Variants in NDUFAF2 observed in about 807,000 individuals in gnomAD.
The protein encoded by NDUFAF2 is NADH dehydrogenase [ubiquinone] 1 alpha subcomplex assembly factor 2.
In NDUFAF2, 13 loss-of-function variants were observed where a neutral mutation model predicts 22.8. The ratio of observed to expected loss-of-function variants is 0.57; its 90% CI spans 0.37 to 0.91. The LOEUF is 0.91. NDUFAF2 is among the 40% of genes least tolerant of loss of function. NDUFAF2 has a pLI of 0.01. For synonymous variants in NDUFAF2, 53 were observed against 64.2 expected (o/e 0.83, Z 0.84); for missense variants, 162 against 195.2 (o/e 0.83, Z 1.01).
chr5:61,147,819 C>T (rs550448157), intron 3 of NDUFAF2, among the ~76,000 whole-genome samples: 69 of 152,214 alleles, frequency 4.5e-4, no homozygotes, highest in Non-Finnish European at 6.5e-4. Flanking sequence ...GCTGTACTCT[C>T]GTGCCAGTTT....
chr5:61,091,630 A>T (rs1340836140), intron 2 of NDUFAF2, among the ~76,000 whole-genome samples: 1 of 152,022 alleles, frequency 6.6e-6, no homozygotes. Context: ...TTGTCTGTTG[A>T]CTTTGTTGAT....
At position 61,049,276 on chromosome 5, in the gene NDUFAF2, A is replaced by G. The variant is rs78747697; in HGVS notation, c.128-23849A>G. ...GTACAAAGAGTTTTCTTTATTAAAT[A>G]TCTTTTTAAATCACAGGTAAAAGTT... On this transcript the variant is annotated intron_variant, in intron 1 of 3. Transcript: ENST00000296597. Among the ~76,000 whole-genome samples, 933 of 152,192 alleles carry G rather than the reference A, an allele frequency of 6.1e-3. 24 individuals are homozygous for G. The South Asian group carries it at 0.079, about 13-fold the overall frequency.
chr5:61,002,771 A>G (rs1047582505), intron 1 of NDUFAF2, among the ~76,000 whole-genome samples: 1 of 152,096 alleles, frequency 6.6e-6, no homozygotes, highest in African/African-American at 2.4e-5. Context: ...CATTTTAGGT[A>G]CTGGTCCAAT....
At position 61,096,967 on chromosome 5, in the gene NDUFAF2, AAAAG is replaced by A. The variant is rs1303108206; in HGVS notation, c.218-2018_218-2015del. Among the ~76,000 whole-genome samples, 5 of 152,328 alleles carry A rather than the reference AAAAG, an allele frequency of 3.3e-5. No individual in the cohort carries two copies. The East Asian group carries it at 7.7e-4, about 24-fold the overall frequency. On this transcript the variant is annotated intron_variant, in intron 2 of 3. Coordinates refer to ENST00000296597, the MANE Select transcript of NDUFAF2 (RefSeq NM_174889.5). ...TAACAGAGCGAGACTGTCTCAAAAA[AAAAG>A]AAAGAAGGAAACAGAATGCAGAAAG... is the stretch of plus-strand genomic sequence containing the variant.
chr5:61,007,776 A>AT (rs1007935686), intron 1 of NDUFAF2, among the ~76,000 whole-genome samples: 1 of 152,180 alleles, frequency 6.6e-6, no homozygotes, highest in Non-Finnish European at 1.5e-5. Flanking sequence ...TAGAAATACC[A>AT]TTTGACCCAG....
At chr5:61,004,923 TTTTA>T (rs945341614) in intron 1 of NDUFAF2, among the ~76,000 whole-genome samples, 2 of 144,000 alleles carry the variant, frequency 1.4e-5, no homozygotes, top group South Asian at 2.3e-4. Context: ...ATTTATTCTT[TTTTA>T]TTTATTTATT....
intron 3 of NDUFAF2, among the ~76,000 whole-genome samples, chr5:61,124,565 C>T (rs1753012379): frequency 6.6e-6 from 1 of 151,852 alleles, no homozygotes; most frequent in Non-Finnish European, 1.5e-5. Flanking sequence ...CTGTGTTTTC[C>T]AGTAAAATAT....
intron 1 of NDUFAF2, among the ~76,000 whole-genome samples, chr5:60,999,332 T>A (rs1469030144): frequency 2.6e-5 from 4 of 152,050 alleles, no homozygotes; most frequent in Non-Finnish European, 5.9e-5. Context: ...TATCAATGGA[T>A]GAATGAGTAA....
chr5:60,950,477 G>A (rs902102811), intron 1 of NDUFAF2, among the ~76,000 whole-genome samples: 1 of 151,988 alleles, frequency 6.6e-6, no homozygotes, highest in Non-Finnish European at 1.5e-5. Flanking sequence ...GAGCCACCAC[G>A]CCTGGCCACT....
At chr5:61,010,479 A>G (rs1751429619) in intron 1 of NDUFAF2, among the ~76,000 whole-genome samples, 1 of 151,556 alleles carries the variant, frequency 6.6e-6, no homozygotes, top group African/African-American at 2.4e-5. Context: ...TCTGCATTCA[A>G]CTCTTCCATT....
intron 1 of NDUFAF2, among the ~76,000 whole-genome samples, chr5:61,042,009 A>G (rs948422087): frequency 8.5e-5 from 13 of 152,184 alleles, no homozygotes; most frequent in African/African-American, 2.9e-4. Context: ...ATAAACTCCA[A>G]TTTGAAATCC....
At chr5:61,058,763 A>C (rs1752129463) in intron 1 of NDUFAF2, among the ~76,000 whole-genome samples, 2 of 151,996 alleles carry the variant, frequency 1.3e-5, no homozygotes, top group Non-Finnish European at 2.9e-5. Flanking sequence ...TTAGCTTTAC[A>C]AAAAAGTATA....
chr5:60,991,370 A>G (rs1356312782), intron 1 of NDUFAF2, among the ~76,000 whole-genome samples: 1 of 152,080 alleles, frequency 6.6e-6, no homozygotes, highest in Non-Finnish European at 1.5e-5. Flanking sequence ...TATTGACTAT[A>G]GTTGCCCTGT....
intron 3 of NDUFAF2, among the ~76,000 whole-genome samples, chr5:61,125,210 A>G (rs962118112): frequency 8.5e-5 from 13 of 152,048 alleles, no homozygotes; most frequent in Non-Finnish European, 1.2e-4. Flanking sequence ...ACTGTATTCA[A>G]TTTTTTAATG....
At chr5:60,994,936 G>A (rs1016097194) in intron 1 of NDUFAF2, among the ~76,000 whole-genome samples, 7 of 151,770 alleles carry the variant, frequency 4.6e-5, no homozygotes, top group African/African-American at 1.5e-4. Context: ...CTGACTTCAA[G>A]CTCACTGATT....
chr5:61,152,859 T>G lies in NDUFAF2; in HGVS notation c.414T>G (p.Phe138Leu), dbSNP rs770172045. The change falls in exon 4 of 4, where the codon TTT (phenylalanine) becomes TTG (leucine). Residue 138 changes from phenylalanine to leucine, a missense_variant. Coordinates refer to ENST00000296597, the MANE Select transcript of NDUFAF2 (RefSeq NM_174889.5). The stretch of plus-strand genomic sequence containing the variant: ...AAGGCCATGCCTCTGCTCCATACTT[T>G]GGAAAGGAAGAACCCTCAGTGGCTC... ...QIKGHASAPY[F>L]GKEEPSVAPS... is the part of the protein sequence containing the mutation. 6.2e-7 allele frequency: 1 copy of G among 1,609,078 alleles called. No individual in the cohort carries two copies. Among genetic ancestry groups the G allele is most frequent in the Non-Finnish European group, 8.5e-7 (1 of 1,177,738 alleles).
At chr5:60,954,718 T>C (rs955219198) in intron 1 of NDUFAF2, among the ~76,000 whole-genome samples, 2 of 151,520 alleles carry the variant, frequency 1.3e-5, no homozygotes, top group African/African-American at 4.9e-5. Flanking sequence ...GTGCTAGGAT[T>C]ACAGGCATGA....
chr5:61,099,598 A>G (rs546255133), intron 3 of NDUFAF2, among the ~76,000 whole-genome samples: 2 of 151,634 alleles, frequency 1.3e-5, no homozygotes, highest in South Asian at 4.1e-4. Context: ...AAAACATAGA[A>G]ATGCTATGGT....
intron 1 of NDUFAF2, among the ~76,000 whole-genome samples, chr5:61,052,943 A>G (rs1752043603): frequency 6.6e-6 from 1 of 152,240 alleles, no homozygotes; most frequent in Non-Finnish European, 1.5e-5. Flanking sequence ...TGGATACACA[A>G]ACTACCTTTA....
Sources: allele counts gnomAD v4.1 joint callset (sites outside exome capture counted in the v4.1 genomes callset), GRCh38; gene constraint gnomAD v4.1.1; transcripts MANE v1.5; gene names NCBI Gene and HGNC (gene_info 2026-07-23, HGNC 2026-07-21).